JARID2: variants seen among roughly 807,000 people sequenced by gnomAD.
JARID2 encodes the protein jumonji and AT-rich interaction domain containing 2.
Under a neutral mutation model 125.6 loss-of-function variants are expected in JARID2, and 21 were observed. The observed-to-expected ratio is 0.17, with a 90% CI of 0.12 to 0.24. JARID2 has a LOEUF of 0.24. Ranked by LOEUF, JARID2 falls within the 10% of genes least tolerant of loss-of-function variation. The pLI, the probability that JARID2 is intolerant of heterozygous loss-of-function variation, is 1.00. For missense variants in JARID2, 1,303 were observed against 1,639.6 expected, an observed-to-expected ratio of 0.79 and a Z score of 3.55; for synonymous variants, 736 against 661.6, an observed-to-expected ratio of 1.11 and a Z score of -1.73.
At chr6:15,339,796 A>G (rs747950714) in intron 1 of JARID2, among the ~76,000 whole-genome samples, 1 of 152,024 alleles carries the variant, frequency 6.6e-6, no homozygotes, top group African/African-American at 2.4e-5. Flanking sequence ...CGGCCTCCCA[A>G]AGTGGTGGGA....
At chr6:15,458,451 C>T (rs755729700) in intron 4 of JARID2, among the ~76,000 whole-genome samples, 26 of 152,220 alleles carry the variant, frequency 1.7e-4, no homozygotes, top group Non-Finnish European at 2.9e-4. Flanking sequence ...TACTGTCAGC[C>T]GTTGTGAAGC....
chr6:15,506,958 G>A (rs937469592), intron 9 of JARID2, among the ~76,000 whole-genome samples, 178 bp from the exon 10 acceptor site: 1 of 152,214 alleles, frequency 6.6e-6, no homozygotes, highest in South Asian at 2.1e-4. Context: ...GATATGCCTG[G>A]AGGTGACCTG....
At chr6:15,274,815 T>C (rs1760435812) in intron 1 of JARID2, among the ~76,000 whole-genome samples, 1 of 152,186 alleles carries the variant, frequency 6.6e-6, no homozygotes, top group South Asian at 2.1e-4. Context: ...GATTCTTCCT[T>C]CTAGTCCTTG....
chr6:15,374,393 C>T, intron 2 of JARID2, 141 bp downstream of exon 2: 1 of 786,862 alleles, frequency 1.3e-6, no homozygotes, highest in Admixed American at 2.5e-5. Flanking sequence ...TGAATCTGCA[C>T]TGCAGACATC....
intron 1 of JARID2, among the ~76,000 whole-genome samples, chr6:15,324,887 T>C (rs752329582): frequency 1.9e-4 from 29 of 151,712 alleles, no homozygotes; most frequent in Non-Finnish European, 3.8e-4. Context: ...TTTGTTGTTG[T>C]TGTTTTAAAC....
chr6:15,335,511 GT>G (rs1255163246), intron 1 of JARID2, among the ~76,000 whole-genome samples: 3 of 152,060 alleles, frequency 2.0e-5, no homozygotes, highest in Admixed American at 2.0e-4. Flanking sequence ...AGGTTTGACT[GT>G]TTTAGAAGTT....
At chr6:15,486,577 A>T (rs1769873659) in intron 5 of JARID2, among the ~76,000 whole-genome samples, 1 of 152,208 alleles carries the variant, frequency 6.6e-6, no homozygotes. Context: ...GTACTTCAGG[A>T]CTTTAGCATA....
Position 15,496,155 on chromosome 6 carries a change from T to C in JARID2, c.930T>C (p.Thr310=). 1 of 1,613,282 alleles carries C rather than the reference T, an allele frequency of 6.2e-7. No homozygotes were observed. Among genetic ancestry groups the C allele is most frequent in the Non-Finnish European group, 8.5e-7 (1 of 1,179,412 alleles). The stretch of plus-strand genomic sequence containing the variant: ...AGGTTTCTAAGGTAAACGGAGTCAC[T>C]CGAATGTCATCTCTGGGTGCAGGTG... ...RKQVSKVNGV[T]RMSSLGAGVT... The change falls in exon 7 of 18, where the codon ACT becomes ACC. Residue 310 remains threonine (T), a synonymous_variant. Coordinates refer to ENST00000341776, the MANE Select transcript of JARID2 (RefSeq NM_004973.4).
chr6:15,512,071 G>A, intron 13 of JARID2, 137 bp from the exon 14 acceptor site: 1 of 702,252 alleles, frequency 1.4e-6, no homozygotes, highest in Non-Finnish European at 2.4e-6. Context: ...TGTTATGAAT[G>A]ACGTCTTTTT....
chr6:15,505,693 C>A (rs1210074988), intron 9 of JARID2, among the ~76,000 whole-genome samples: 1 of 152,264 alleles, frequency 6.6e-6, no homozygotes, highest in Non-Finnish European at 1.5e-5. Context: ...ACACTGTGTA[C>A]CCTGGGTGCG....
At chr6:15,330,799 A>G (rs1762680509) in intron 1 of JARID2, among the ~76,000 whole-genome samples, 1 of 152,240 alleles carries the variant, frequency 6.6e-6, no homozygotes, top group Non-Finnish European at 1.5e-5. Context: ...AAGTCACATC[A>G]AAAGCTTTCT....
rs184157852 is a variant in JARID2 at position 15,288,784 on chromosome 6, A to G, written c.45+42200A>G. Among the ~76,000 whole-genome samples, 60 of 152,224 alleles carry G rather than the reference A, an allele frequency of 3.9e-4. No individual in the cohort carries two copies. The East Asian group carries it at 0.01, about 26-fold the overall frequency. ...CTATTGAAGTCTTTTTCTTCTCTCT[A>G]CAGTTAAAGGAGATCTTATTGTAGG... On this transcript the variant is annotated intron_variant, in intron 1 of 17. Transcript: ENST00000341776.
chr6:15,411,492 G>A (rs1286000761), intron 3 of JARID2, among the ~76,000 whole-genome samples: 1 of 152,180 alleles, frequency 6.6e-6, no homozygotes, highest in African/African-American at 2.4e-5. Context: ...TGTCTTAGAA[G>A]ATGTCATAAG....
intron 1 of JARID2, among the ~76,000 whole-genome samples, chr6:15,277,315 G>A (rs1023577163): frequency 1.1e-4 from 16 of 152,056 alleles, no homozygotes; most frequent in African/African-American, 3.4e-4. Flanking sequence ...ATAGAAACAG[G>A]GTCTTGCTAT....
At chr6:15,513,730 C>G (rs1561919126) in intron 16 of JARID2, among the ~76,000 whole-genome samples, 1 of 152,248 alleles carries the variant, frequency 6.6e-6, no homozygotes, top group South Asian at 2.1e-4. Flanking sequence ...GTCACTCCAG[C>G]CCCCACGCAC....
At chr6:15,475,997 G>GT in intron 5 of JARID2, among the ~76,000 whole-genome samples, 1 of 152,268 alleles carries the variant, frequency 6.6e-6, no homozygotes, top group East Asian at 1.9e-4. Context: ...TGGTTGTTTT[G>GT]TGACTTTTCC....
At chr6:15,512,797 T>G in intron 14 of JARID2, 118 bp from the exon 15 acceptor site, 1 of 1,043,548 alleles carries the variant, frequency 9.6e-7, no homozygotes, top group South Asian at 1.6e-5. Context: ...GTTTTTAATC[T>G]AAATGCAATT....
chr6:15,450,257 C>T (rs2127637360), intron 3 of JARID2, among the ~76,000 whole-genome samples: 1 of 152,208 alleles, frequency 6.6e-6, no homozygotes, highest in South Asian at 2.1e-4. Flanking sequence ...GCAATCTTCA[C>T]CTCCCGGGTT....
intron 4 of JARID2, among the ~76,000 whole-genome samples, chr6:15,452,986 A>G (rs144343908): frequency 9.9e-4 from 151 of 152,312 alleles, no homozygotes; most frequent in African/African-American, 3.5e-3. Context: ...GTTCATAGTC[A>G]CTTTTATTTG....
Sources: gnomAD v4.1 joint callset for allele counts (sites outside exome capture counted in the v4.1 genomes callset) on GRCh38, gnomAD v4.1.1 for gene constraint, MANE v1.5 for transcripts, NCBI Gene and HGNC (gene_info 2026-07-23, HGNC 2026-07-21) for gene names.